MICAL3: variants seen among roughly 807,000 people sequenced by gnomAD.
The protein encoded by MICAL3 is microtubule associated monooxygenase, calponin and LIM domain containing 3.
Under a neutral mutation model 207.4 loss-of-function variants are expected in MICAL3, and 62 were observed. The ratio of observed to expected loss-of-function variants is 0.30; its 90% CI spans 0.24 to 0.37. The LOEUF (loss-of-function observed/expected upper bound fraction) is 0.37. Ranked by LOEUF, MICAL3 falls within the 10% of genes least tolerant of loss-of-function variation. The pLI is 1.00. For missense variants in MICAL3, 2,368 were observed against 2,635.6 expected, an observed-to-expected ratio of 0.90 and a Z score of 2.22; for synonymous variants, 1,077 against 1,069.3, an observed-to-expected ratio of 1.01 and a Z score of -0.14.
At chr22:18,015,422 CTTTTTTTT>C (rs34098867) in intron 1 of MICAL3, among the ~76,000 whole-genome samples, 2 of 105,610 alleles carry the variant, frequency 1.9e-5, no homozygotes, top group African/African-American at 7.3e-5. Context: ...TAAGACTCAT[CTTTTTTTT>C]TTTTTTTTTT....
intron 21 of MICAL3, among the ~76,000 whole-genome samples, chr22:17,830,833 G>A (rs1569084815): frequency 6.6e-6 from 1 of 152,206 alleles, no homozygotes; most frequent in Non-Finnish European, 1.5e-5. Flanking sequence ...ACGCCCAACG[G>A]TGCGGTTCCT....
intron 1 of MICAL3, among the ~76,000 whole-genome samples, chr22:17,978,933 T>C (rs1470013049): frequency 2.0e-5 from 3 of 148,940 alleles, no homozygotes; most frequent in Non-Finnish European, 4.4e-5. Context: ...CCCAGCACTT[T>C]GGGAGGCCAA....
chr22:17,900,891 C>T lies in MICAL3; in HGVS notation c.798G>A (p.Val266=). 6.2e-7 allele frequency: 1 copy of T among 1,614,002 alleles called. No homozygotes were observed. The highest frequency in any genetic ancestry group is 8.5e-7 in the Non-Finnish European group (1 of 1,179,878). ...AAAATTTTTGGTTGAATATAAAAGC[C>T]ACACCACTGATCTCTTCCACTTTAG... The part of the protein sequence containing the change: ...AEAKVEEISG[V]AFIFNQKFFQ... The change falls in exon 6 of 32, where the codon GTG becomes GTA. Residue 266 remains valine, a synonymous_variant. Coordinates refer to ENST00000441493, the MANE Select transcript of MICAL3 (RefSeq NM_015241.3). This position sits in a 1 kb window ranked among gnomAD's most constrained non-coding sequence, Gnocchi z 4.0.
At chr22:17,872,635 A>C in intron 16 of MICAL3, 1 of 703,042 alleles carries the variant, frequency 1.4e-6, no homozygotes, top group Non-Finnish European at 2.5e-6. Context: ...CCTCAAAAGC[A>C]ATTACCGCAT....
At chr22:17,850,399 A>ATTTTT (rs1925180634) in intron 19 of MICAL3, among the ~76,000 whole-genome samples, 3 of 66,720 alleles carry the variant, frequency 4.5e-5, no homozygotes, top group Non-Finnish European at 9.3e-5. Context: ...CTTTTGAATT[A>ATTTTT]GTTTTTTTTT....
chr22:17,997,357 C>T (rs1444164469), intron 1 of MICAL3, among the ~76,000 whole-genome samples: 2 of 152,154 alleles, frequency 1.3e-5, no homozygotes, highest in African/African-American at 4.8e-5. Context: ...AGCCACTGCG[C>T]CCGGCCCATC....
Position 17,798,986 on chromosome 22 carries a change from T to C in MICAL3, c.5651-7685A>G, listed in dbSNP as rs1331043171. ...CCGTGCCCGGCCAGAGCAATGCCTT[T>C]TTATTGAACTCCTGTCGGAGACACC... On this transcript the variant is annotated intron_variant, in intron 29 of 31. Transcript: ENST00000441493. Among the ~76,000 whole-genome samples the C allele has an allele frequency of 2.0e-5, 3 of 152,202 alleles. No homozygotes were observed. The East Asian group carries it at 5.8e-4, about 29-fold the overall frequency.
chr22:17,888,592 T>C (rs5747395), intron 13 of MICAL3, among the ~76,000 whole-genome samples: 25,315 of 152,020 alleles, frequency 0.17, 2,343 homozygotes, highest in East Asian at 0.25. Flanking sequence ...AGATGGGAAC[T>C]GAGAAAAGAG....
At chr22:17,868,518 C>T (rs919851433) in intron 17 of MICAL3, among the ~76,000 whole-genome samples, 2 of 152,116 alleles carry the variant, frequency 1.3e-5, no homozygotes, top group South Asian at 4.1e-4. Context: ...ACCGCAGAGG[C>T]GGATGTGGTC....
At chr22:17,850,169 A>G (rs1925138501) in intron 19 of MICAL3, among the ~76,000 whole-genome samples, 1 of 152,124 alleles carries the variant, frequency 6.6e-6, no homozygotes, top group African/African-American at 2.4e-5. Context: ...TAAATACAAT[A>G]TGCTAGAGAG....
chr22:17,791,468 C>T, intron 29 of MICAL3, 167 bp from the exon 30 acceptor site: 1 of 643,678 alleles, frequency 1.6e-6, no homozygotes, highest in Non-Finnish European at 2.8e-6. Flanking sequence ...CTGGCGTCCC[C>T]CTTCCTGGGG....
intron 16 of MICAL3, among the ~76,000 whole-genome samples, chr22:17,883,483 A>T (rs1030240129): frequency 1.3e-5 from 2 of 152,232 alleles, no homozygotes; most frequent in Admixed American, 6.5e-5. Context: ...CACTGACGGC[A>T]TCCAGGGCCC....
At chr22:17,861,486 T>G in intron 19 of MICAL3, 1 of 985,482 alleles carries the variant, frequency 1.0e-6, no homozygotes. Flanking sequence ...TGCCTTCGGC[T>G]TCCCTACTTC....
intron 1 of MICAL3, among the ~76,000 whole-genome samples, chr22:17,998,194 CT>C (rs1475390913): frequency 2.1e-5 from 3 of 140,126 alleles, no homozygotes; most frequent in African/African-American, 8.3e-5. Context: ...GTCCCAGCTA[CT>C]TGAGAGGCTG....
At chr22:17,843,778 G>T (rs1284021291) in intron 19 of MICAL3, among the ~76,000 whole-genome samples, 1 of 152,214 alleles carries the variant, frequency 6.6e-6, no homozygotes, top group Non-Finnish European at 1.5e-5. Context: ...ACAGGCTCTG[G>T]AGAGCGAACA....
At chr22:17,997,353 T>C (rs1377176055) in intron 1 of MICAL3, among the ~76,000 whole-genome samples, 3 of 152,176 alleles carry the variant, frequency 2.0e-5, no homozygotes, top group African/African-American at 7.2e-5. Context: ...CATGAGCCAC[T>C]GCGCCCGGCC....
intron 1 of MICAL3, among the ~76,000 whole-genome samples, chr22:17,966,422 T>A (rs771163427): frequency 3.1e-4 from 47 of 152,312 alleles, no homozygotes; most frequent in Non-Finnish European, 6.3e-4. Context: ...TCTGAGCCCC[T>A]CCACCTCCTC....
intron 19 of MICAL3, among the ~76,000 whole-genome samples, chr22:17,845,343 C>G (rs560074438): frequency 6.6e-6 from 1 of 152,156 alleles, no homozygotes; most frequent in Non-Finnish European, 1.5e-5. Flanking sequence ...ACGTGGGGAA[C>G]GCATACTGTC....
At chr22:17,972,577 G>A (rs1019728907) in intron 1 of MICAL3, among the ~76,000 whole-genome samples, 1 of 152,098 alleles carries the variant, frequency 6.6e-6, no homozygotes, top group Non-Finnish European at 1.5e-5. Context: ...CCATCTTCAG[G>A]GCCTTGGAGG....
Sources: allele counts gnomAD v4.1 joint callset (sites outside exome capture counted in the v4.1 genomes callset), GRCh38; gene constraint gnomAD v4.1.1; non-coding constraint Gnocchi (gnomAD v3.1); transcripts MANE v1.5; gene names NCBI Gene and HGNC (gene_info 2026-07-23, HGNC 2026-07-21).